Variants in GALNT13 observed in about 807,000 individuals in gnomAD.
GALNT13 encodes polypeptide N-acetylgalactosaminyltransferase 13, also known as UDP-GalNAc:polypeptide N-acetylgalactosaminyltransferase 13.
GALNT13 carries 28 observed loss-of-function variants against 64.2 expected under a neutral mutation model. The observed-to-expected ratio is 0.44, with a 90% confidence interval of 0.32 to 0.60. GALNT13 has a LOEUF of 0.60. GALNT13 is among the 20% of genes least tolerant of loss of function. GALNT13 has a pLI of 0.05. For synonymous variants in GALNT13, 214 were observed against 224.6 expected, an observed-to-expected ratio of 0.95 and a Z score of 0.42; for missense variants, 577 against 669.8, an observed-to-expected ratio of 0.86 and a Z score of 1.53.
chr2:153,659,591 C>A, the GALNT13 span, among the ~76,000 whole-genome samples: 2 of 152,006 alleles, frequency 1.3e-5, no homozygotes, highest in Non-Finnish European at 2.9e-5. Flanking sequence ...AAGGCGACAT[C>A]CAAAAAATTA....
At chr2:153,351,727 C>T in the GALNT13 span, among the ~76,000 whole-genome samples, 1 of 152,190 alleles carries the variant, frequency 6.6e-6, no homozygotes, top group Admixed American at 6.5e-5. Context: ...GCGTTTTTCA[C>T]ATTGGCCTTG....
the GALNT13 span, among the ~76,000 whole-genome samples, chr2:153,500,341 C>T: frequency 1.3e-3 from 198 of 152,268 alleles, 1 homozygote; most frequent in African/African-American, 4.6e-3. Flanking sequence ...AGGGTAAGGA[C>T]AGCTCAAAAG....
intron 11 of GALNT13, among the ~76,000 whole-genome samples, chr2:154,421,101 CA>C (rs1219721933): frequency 1.1e-4 from 16 of 151,724 alleles, no homozygotes; most frequent in Admixed American, 1.1e-3. Flanking sequence ...AATTCATGTT[CA>C]AATAGTTGAC....
chr2:154,021,335 A>G (rs1164765266), intron 3 of GALNT13, among the ~76,000 whole-genome samples: 1 of 152,228 alleles, frequency 6.6e-6, no homozygotes, highest in Non-Finnish European at 1.5e-5. Flanking sequence ...ACCCATGAGC[A>G]TGGAATGTTC....
chr2:153,185,001 C>T, the GALNT13 span, among the ~76,000 whole-genome samples: 1 of 152,098 alleles, frequency 6.6e-6, no homozygotes, highest in African/African-American at 2.4e-5. Context: ...AAGAGTTACT[C>T]CTTTTAATTG....
chr2:154,358,742 C>A (rs1027414042), intron 9 of GALNT13, among the ~76,000 whole-genome samples: 1 of 152,008 alleles, frequency 6.6e-6, no homozygotes, highest in East Asian at 1.9e-4. Context: ...TTCTTTGCAT[C>A]ATTCCAATGT....
At chr2:153,091,178 T>A in the GALNT13 span, among the ~76,000 whole-genome samples, 17 of 152,206 alleles carry the variant, frequency 1.1e-4, no homozygotes, top group Admixed American at 6.5e-5. Context: ...GTTGGAAGAT[T>A]CCTTCACCCT....
chr2:153,747,244 T>C, the GALNT13 span, among the ~76,000 whole-genome samples: 1 of 152,012 alleles, frequency 6.6e-6, no homozygotes, highest in African/African-American at 2.4e-5. Flanking sequence ...GATTTTAAAA[T>C]GTACGATTAT....
chr2:153,124,834 A>C, the GALNT13 span, among the ~76,000 whole-genome samples: 17 of 152,174 alleles, frequency 1.1e-4, no homozygotes, highest in Non-Finnish European at 1.9e-4. Context: ...TGTAATTTTC[A>C]TGAATCTCTG....
At chr2:153,674,564 G>C in the GALNT13 span, among the ~76,000 whole-genome samples, 1 of 152,018 alleles carries the variant, frequency 6.6e-6, no homozygotes, top group Non-Finnish European at 1.5e-5. Flanking sequence ...ATGGATTAAA[G>C]ACTTAAATGT....
At chr2:154,244,995 C>T (rs1339097982) in intron 6 of GALNT13, among the ~76,000 whole-genome samples, 2 of 151,558 alleles carry the variant, frequency 1.3e-5, no homozygotes, top group Non-Finnish European at 2.9e-5. Flanking sequence ...ATGGCAGGCA[C>T]GTTGGGAGGC....
chr2:153,905,305 G>T (rs1688486746), intron 2 of GALNT13, among the ~76,000 whole-genome samples: 2 of 151,840 alleles, frequency 1.3e-5, no homozygotes, highest in South Asian at 4.1e-4. Context: ...ATTAACTGGG[G>T]ACACATTCCA....
At chr2:154,409,252 GA>G (rs1343501105) in intron 11 of GALNT13, 170 bp downstream of exon 11, 1 of 613,710 alleles carries the variant, frequency 1.6e-6, no homozygotes, top group Admixed American at 2.9e-5. Context: ...GATCTTAAAG[GA>G]GAGCTGAAAA....
chr2:153,099,294 C>T, the GALNT13 span, among the ~76,000 whole-genome samples: 154 of 152,054 alleles, frequency 1.0e-3, 2 homozygotes, highest in African/African-American at 3.6e-3. Flanking sequence ...TTCAGTTCAG[C>T]ATTGTTTCTG....
intron 3 of GALNT13, among the ~76,000 whole-genome samples, chr2:153,957,860 A>G (rs1692679216): frequency 6.6e-6 from 1 of 152,150 alleles, no homozygotes; most frequent in Non-Finnish European, 1.5e-5. Context: ...CCCACAGCAG[A>G]GCAAGTAGAT....
At chr2:154,317,143 G>C (rs1006187833) in intron 9 of GALNT13, among the ~76,000 whole-genome samples, 13 of 151,608 alleles carry the variant, frequency 8.6e-5, no homozygotes, top group Admixed American at 7.2e-4. Flanking sequence ...AACCTGGGAG[G>C]CAGAGGTTGC....
chr2:153,203,852 G>A, the GALNT13 span, among the ~76,000 whole-genome samples: 6 of 142,958 alleles, frequency 4.2e-5, no homozygotes, highest in Non-Finnish European at 9.3e-5. Context: ...TAGGAAAATA[G>A]GGACACAATA....
chr2:153,737,905 G>T, the GALNT13 span, among the ~76,000 whole-genome samples: 1 of 151,998 alleles, frequency 6.6e-6, no homozygotes, highest in African/African-American at 2.4e-5. Context: ...ATAAATGTAA[G>T]TGATATGTTT....
chr2:153,082,920 G>A, the GALNT13 span, among the ~76,000 whole-genome samples: 4 of 151,064 alleles, frequency 2.6e-5, no homozygotes, highest in African/African-American at 4.9e-5. Context: ...CCTCCGCCTC[G>A]CAGGTTCAAG....
Sources: allele counts gnomAD v4.1 joint callset (sites outside exome capture counted in the v4.1 genomes callset), GRCh38; gene constraint gnomAD v4.1.1; transcripts MANE v1.5; gene names NCBI Gene and HGNC (gene_info 2026-07-23, HGNC 2026-07-21).